OAT: variants seen among roughly 807,000 people sequenced by gnomAD.
OAT encodes ornithine aminotransferase, mitochondrial.
OAT carries 35 observed loss-of-function variants against 48.4 expected under a neutral mutation model. The observed-to-expected ratio is 0.72, with a 90% CI of 0.55 to 0.96. The LOEUF (loss-of-function observed/expected upper bound fraction) is 0.96. Among genes scored for constraint, OAT ranks in the 40% least tolerant of loss-of-function variants. The pLI is 0.00. For missense variants in OAT, 438 were observed against 537.9 expected (o/e 0.81, Z 1.84); for synonymous variants, 182 against 198.4 (o/e 0.92, Z 0.70).
At chr10:124,413,957 G>A (rs1056649245) in intron 1 of OAT, among the ~76,000 whole-genome samples, 1 of 147,776 alleles carries the variant, frequency 6.8e-6, no homozygotes, top group Non-Finnish European at 1.5e-5. Context: ...AAGCCATGAA[G>A]TAAAAACTAA....
At chr10:124,413,100 T>C (rs544098387) in intron 1 of OAT, among the ~76,000 whole-genome samples, 104 of 152,284 alleles carry the variant, frequency 6.8e-4, no homozygotes, top group African/African-American at 2.4e-3. Flanking sequence ...GTGCCCAGCC[T>C]AAAATCTTTT....
At chr10:124,403,745 C>G in intron 6 of OAT, 53 bp downstream of exon 6, 1 of 1,612,998 alleles carries the variant, frequency 6.2e-7, no homozygotes, top group Non-Finnish European at 8.5e-7. Flanking sequence ...TCAGCCTCAT[C>G]ACAAACAGCT....
chr10:124,413,740 G>A (rs965987174), intron 1 of OAT, among the ~76,000 whole-genome samples: 2 of 152,162 alleles, frequency 1.3e-5, no homozygotes, highest in South Asian at 2.1e-4. Flanking sequence ...TGAGAAACTA[G>A]AGAGAGTCAA....
chr10:124,416,952 A>C (rs945080978), intron 1 of OAT, among the ~76,000 whole-genome samples: 1 of 151,958 alleles, frequency 6.6e-6, no homozygotes, highest in Non-Finnish European at 1.5e-5. Context: ...CAAGTGCATC[A>C]TTGGCAAACA....
chr10:124,400,941 C>A lies in OAT; in HGVS notation c.1058G>T (p.Gly353Val). ...CATGAGTTCATTTCTCAAGATAATG[C>A]CCAATTTGTCTGCATTTTCAGCAAG... ...ENLAENADKL[G>V]IILRNELMKL... The change falls in exon 9 of 10, where the codon GGC becomes GTC. Residue 353 changes from glycine to valine, a missense_variant. By Grantham distance (109) the Gly-to-Val change is moderately radical. Coordinates refer to ENST00000368845, the MANE Select transcript of OAT (RefSeq NM_000274.4). 1 of 1,610,974 alleles carries A rather than the reference C, an allele frequency of 6.2e-7. No homozygotes were observed. The highest frequency in any genetic ancestry group is 1.1e-5 in the South Asian group (1 of 90,882).
rs1263594055 is a variant in OAT, at chr10:124,408,331, A to G, written c.520+211T>C. On this transcript the variant is annotated intron_variant, in intron 4 of 9. Transcript: ENST00000368845. ...TGTGTGTGTGTGTATATATATATATATATATATATATATTTTTTTTTTTTT... is the reference window on the plus strand; with the variant it reads ...TGTGTGTGTGTGTATATATATATATGTATATATATATATTTTTTTTTTTTT... Among the ~76,000 whole-genome samples, 288 of 92,084 alleles carry G rather than the reference A, an allele frequency of 3.1e-3. 9 individuals carry two copies. The East Asian group carries it at 0.068, about 22-fold the overall frequency. 60.4% of individuals were successfully genotyped at this position (92,084 alleles called of 152,430 possible).
In OAT at chr10:124,405,539, A is replaced by G. The variant is rs771151529; in HGVS notation, c.545T>C (p.Leu182Ser). The part of the protein sequence containing the change: ...FAAGNFWGRT[L>S]SAISSSTDPT... ...GTCTGTGGAACTGGAGATAGCAGAC[A>G]ACGTCCTACCCCAGAAGTTCCCAGC... is the stretch of plus-strand genomic sequence containing the variant. Residue 182 changes from leucine to serine, a missense_variant, in exon 5 of 10, where the codon TTG (leucine) becomes TCG (serine). Coordinates refer to ENST00000368845, the MANE Select transcript of OAT (RefSeq NM_000274.4). 4.3e-6 allele frequency: 7 copies of G among 1,614,112 alleles called. No individual in the cohort carries two copies. The highest frequency in any genetic ancestry group is 5.1e-6 in the Non-Finnish European group (6 of 1,179,976).
chr10:124,407,969 T>C (rs1420932914), intron 4 of OAT, among the ~76,000 whole-genome samples: 1 of 152,044 alleles, frequency 6.6e-6, no homozygotes, highest in African/African-American at 2.4e-5. Flanking sequence ...ACAGTCTATG[T>C]AGGCCATGGC....
At chr10:124,407,426 T>C in intron 4 of OAT, 1 of 985,404 alleles carries the variant, frequency 1.0e-6, no homozygotes, top group Non-Finnish European at 1.2e-6. Context: ...TCTATAAGAA[T>C]GAAAATCACC....
chr10:124,409,035 T>C, intron 2 of OAT, 70 bp from the exon 3 acceptor site: 1 of 1,136,888 alleles, frequency 8.8e-7, no homozygotes, highest in Non-Finnish European at 1.3e-6. Flanking sequence ...AAATTAAGAG[T>C]GCTAGCAAGC....
intron 4 of OAT, among the ~76,000 whole-genome samples, 198 bp downstream of exon 4, chr10:124,408,341 ATAT>A (rs1258258424): frequency 1.4e-3 from 142 of 99,474 alleles, no homozygotes; most frequent in African/African-American, 4.2e-3. Context: ...ATATATATAT[ATAT>A]TTTTTTTTTT....
rs770390524 is a variant in OAT at position 124,403,056 on chromosome 10, C to A, written c.772-1G>T. On this transcript the variant is annotated splice_acceptor_variant, in intron 6 of 9. Transcript: ENST00000368845. LOFTEE classifies it high-confidence loss of function. Reference sequence around the variant, plus strand: ...GTATTTCATCAGCAATAAAGAGAACCTATTGGGGAAAAAAAATACCCCTAT... The same window carrying A: ...GTATTTCATCAGCAATAAAGAGAACATATTGGGGAAAAAAAATACCCCTAT... 1.9e-6 allele frequency: 3 copies of A among 1,613,816 alleles called. No individual in the cohort carries two copies. Among genetic ancestry groups the A allele is most frequent in the Non-Finnish European group, 2.5e-6 (3 of 1,180,006 alleles).
intron 8 of OAT, 31 bp downstream of exon 8, chr10:124,401,695 A>C: frequency 7.1e-7 from 1 of 1,406,496 alleles, no homozygotes; most frequent in African/African-American, 1.4e-5. Context: ...GCTTTAAAGA[A>C]TAGACACTGT....
Position 124,397,930 on chromosome 10 carries a change from A to G in OAT, c.*12T>C. 6.2e-7 allele frequency: 1 copy of G among 1,613,700 alleles called. No homozygotes were observed. The highest frequency in any genetic ancestry group is 8.5e-7 in the Non-Finnish European group (1 of 1,179,830). On this transcript the variant is annotated 3_prime_UTR_variant, in exon 10 of 10. Coordinates refer to ENST00000368845, the MANE Select transcript of OAT (RefSeq NM_000274.4). Reference sequence around the variant, plus strand: ...CTGGCTCCCAGGGACCACTGAAAACAGCTGGCTACCCTCAGAAAGACAAGA... The same window carrying G: ...CTGGCTCCCAGGGACCACTGAAAACGGCTGGCTACCCTCAGAAAGACAAGA...
chr10:124,418,499 C>G (rs1355802953), intron 1 of OAT, among the ~76,000 whole-genome samples: 1 of 152,212 alleles, frequency 6.6e-6, no homozygotes, highest in East Asian at 1.9e-4. Context: ...GCCGCGAGCG[C>G]AGGGGGCGGC....
chr10:124,401,652 C>T, intron 8 of OAT, 74 bp downstream of exon 8: 1 of 976,564 alleles, frequency 1.0e-6, no homozygotes, highest in Non-Finnish European at 1.6e-6. Flanking sequence ...TTTATTATAC[C>T]AGTGGGCCCA....
At chr10:124,404,097 T>A (rs1157646721) in intron 5 of OAT, among the ~76,000 whole-genome samples, 177 bp from the exon 6 acceptor site, 11 of 152,152 alleles carry the variant, frequency 7.2e-5, no homozygotes, top group Non-Finnish European at 1.6e-4. Context: ...TACCTCACCT[T>A]TAAGTTACAC....
At chr10:124,405,628 G>C in intron 4 of OAT, 65 bp from the exon 5 acceptor site, 1 of 1,598,136 alleles carries the variant, frequency 6.3e-7, no homozygotes. Context: ...CACTATCCCC[G>C]CAAAACACCA....
chr10:124,400,726 G>A (rs1951382753), intron 9 of OAT, 114 bp downstream of exon 9: 4 of 839,650 alleles, frequency 4.8e-6, no homozygotes, highest in Non-Finnish European at 7.3e-6. Context: ...CTGCAGCCTA[G>A]GAGACAGAGC....
Sources: allele counts gnomAD v4.1 joint callset (sites outside exome capture counted in the v4.1 genomes callset), GRCh38; gene constraint gnomAD v4.1.1; transcripts MANE v1.5; gene names NCBI Gene and HGNC (gene_info 2026-07-23, HGNC 2026-07-21).